Variants in TBX18 observed in about 807,000 individuals in gnomAD.
The protein encoded by TBX18 is T-box transcription factor 18, also known as T-box transcription factor TBX18.
In TBX18, 21 loss-of-function variants were observed where a neutral mutation model predicts 55.0. The ratio of observed to expected loss-of-function variants is 0.38; its 90% confidence interval spans 0.27 to 0.55. The LOEUF is 0.55. Among genes scored for constraint, TBX18 ranks in the 20% least tolerant of loss-of-function variants. The probability of loss-of-function intolerance (pLI) is 0.73; values close to 1 mark genes in which losing one functional copy is unlikely to be tolerated. For missense variants in TBX18, 840 were observed against 799.6 expected, an observed-to-expected ratio of 1.05 and a Z score of -0.61; for synonymous variants, 342 against 326.1, an observed-to-expected ratio of 1.05 and a Z score of -0.53.
intron 3 of TBX18, among the ~76,000 whole-genome samples, chr6:84,760,038 CTCTA>C (rs2127881272): frequency 6.6e-6 from 1 of 152,308 alleles, no homozygotes; most frequent in South Asian, 2.1e-4. Flanking sequence ...GAAAACATTT[CTCTA>C]TCTATTAAAA....
intron 4 of TBX18, among the ~76,000 whole-genome samples, chr6:84,754,546 T>G (rs1318034863): frequency 6.6e-6 from 1 of 152,214 alleles, no homozygotes; most frequent in Admixed American, 6.5e-5. Context: ...TCTGCTATGT[T>G]ATTTATTTCC....
At position 84,747,971 on chromosome 6, in the gene TBX18, G is replaced by A. The variant is rs1423727321; in HGVS notation, c.888C>T (p.Phe296=). The A allele has an allele frequency of 6.2e-7, 1 of 1,613,248 alleles. No individual in the cohort carries two copies. The highest frequency in any genetic ancestry group is 2.2e-5 in the East Asian group (1 of 44,868). ...PVPSGEGVKA[F]SFPETVFTTV... ...TTGTGAAGACAGTTTCTGGAAAGGA[G>A]AATGCCTTTACTCCCTCCCCGGATG... The change falls in exon 5 of 8, where the codon TTC becomes TTT. Residue 296 remains phenylalanine, a synonymous_variant. Coordinates refer to ENST00000369663, the MANE Select transcript of TBX18 (RefSeq NM_001080508.3).
Position 84,763,990 on chromosome 6 carries a change from C to T in TBX18, c.192G>A (p.Lys64=). 1.3e-6 allele frequency: 2 copies of T among 1,575,824 alleles called. No homozygotes were observed. The highest frequency in any genetic ancestry group is 1.1e-5 in the South Asian group (1 of 87,494). ...CGCCTTCGTCTCCCTCAGAAGAACC[C>T]TTTTCGCCCGCGCCGCCGCCGCGGC... The part of the protein sequence containing the change: ...GCSRGGGAGE[K]GSSEGDEGAA... The change falls in exon 1 of 8, where the codon AAG becomes AAA. Residue 64 remains lysine, a synonymous_variant. Coordinates refer to ENST00000369663, the MANE Select transcript of TBX18 (RefSeq NM_001080508.3).
Position 84,744,255 on chromosome 6 carries a change from G to T in TBX18, c.1004+6C>A. ...CATAACCGGAATGGTCTTCACTAAG[G>T]CCCACCTGTTGCGCCCGGAGTCTCG... On this transcript the variant is annotated splice_donor_region_variant and intron_variant, in intron 6 of 7. Transcript: ENST00000369663. 6.2e-7 allele frequency: 1 copy of T among 1,610,588 alleles called. No homozygotes were observed.
In TBX18 at chr6:84,742,467, T is replaced by G. The variant is rs561807221; in HGVS notation, c.1004+1794A>C. 3.3e-5 allele frequency: 5 copies of G among 152,352 alleles called. No individual in the cohort carries two copies. In the South Asian group the frequency reaches 1.0e-3, roughly 32 times the overall value. The allele number at this position is 152,352 out of a possible 1,614,324, so 9.4% of individuals were successfully genotyped here. A position where few individuals can be genotyped will look rare whatever the true frequency, so the allele number is the denominator to read the frequency against. ...TAAGTATCCAAATGTATTTTCATTATGCTGAGTATCTAGAATTCTTCCTGA... is the reference window on the plus strand; with the variant it reads ...TAAGTATCCAAATGTATTTTCATTAGGCTGAGTATCTAGAATTCTTCCTGA... On this transcript the variant is annotated intron_variant, in intron 6 of 7. Transcript: ENST00000369663.
intron 3 of TBX18, among the ~76,000 whole-genome samples, chr6:84,758,400 T>G (rs1163550736): frequency 7.1e-6 from 1 of 141,592 alleles, no homozygotes; most frequent in Admixed American, 7.3e-5. Context: ...AGAGCAAGAC[T>G]CCATCTCAAA....
chr6:84,741,235 C>T (rs535490078), intron 6 of TBX18: 162 of 152,318 alleles, frequency 1.1e-3, no homozygotes, highest in African/African-American at 3.6e-3. Flanking sequence ...AAGGCACCTC[C>T]TGCAGGAGTG....
intron 6 of TBX18, chr6:84,742,609 T>C (rs917381718): frequency 5.9e-5 from 9 of 152,146 alleles, no homozygotes; most frequent in Admixed American, 3.3e-4. Flanking sequence ...AAATGGACTA[T>C]ATACAAGCAT....
At chr6:84,749,384 T>C (rs1000442537) in intron 4 of TBX18, among the ~76,000 whole-genome samples, 1 of 152,194 alleles carries the variant, frequency 6.6e-6, no homozygotes, top group African/African-American at 2.4e-5. Context: ...TTCAGAATAT[T>C]TGGTCAGCCC....
At chr6:84,754,376 C>T (rs746756755) in intron 4 of TBX18, among the ~76,000 whole-genome samples, 18 of 152,114 alleles carry the variant, frequency 1.2e-4, no homozygotes, top group Non-Finnish European at 2.6e-4. Flanking sequence ...TTACCATTAC[C>T]AAAGGCAATT....
chr6:84,747,216 C>T (rs938328222), intron 5 of TBX18, among the ~76,000 whole-genome samples: 14 of 151,944 alleles, frequency 9.2e-5, no homozygotes, highest in East Asian at 7.7e-4. Flanking sequence ...CAGGCCACAT[C>T]GGCTTATATT....
rs369606909 is a variant in TBX18, at chr6:84,760,371, G to A, written c.498-15C>T. 293 of 1,586,492 alleles carry A rather than the reference G, an allele frequency of 1.8e-4. 1 individual carries two copies. In the South Asian group the frequency reaches 3.0e-3, roughly 16 times the overall value. On this transcript the variant is annotated splice_polypyrimidine_tract_variant and intron_variant, in intron 2 of 7. Transcript: ENST00000369663. ...GAAACATGCGCCTATTTAAAAAGGCGAAGAGAAAGAGGGTTTGGGGTTTTT... is the reference window on the plus strand; with the variant it reads ...GAAACATGCGCCTATTTAAAAAGGCAAAGAGAAAGAGGGTTTGGGGTTTTT...
At chr6:84,750,657 C>T (rs1767322878) in intron 4 of TBX18, among the ~76,000 whole-genome samples, 2 of 152,152 alleles carry the variant, frequency 1.3e-5, no homozygotes, top group African/African-American at 4.8e-5. Context: ...GCTCGTCCTC[C>T]CACCACCACG....
In TBX18 at chr6:84,748,147, G is replaced by A; in HGVS notation, c.772-60C>T. Reference sequence around the variant, plus strand: ...AGCCTCTGCCCAACCTCAACAACCTGACTAAATATTTAATGTGTACAATCA... The same window carrying A: ...AGCCTCTGCCCAACCTCAACAACCTAACTAAATATTTAATGTGTACAATCA... On this transcript the variant is annotated intron_variant, in intron 4 of 7. Transcript: ENST00000369663. 3.8e-6 allele frequency: 5 copies of A among 1,325,778 alleles called. No individual in the cohort carries two copies. The South Asian group carries it at 7.5e-5, about 20-fold the overall frequency. The allele number at this position is 1,325,778 out of a possible 1,614,324, so 82.1% of individuals were successfully genotyped here.
chr6:84,735,412 T>C lies in TBX18; in HGVS notation c.*1273A>G, dbSNP rs770944377. 6.6e-5 allele frequency: 10 copies of C among 152,232 alleles called. No individual in the cohort carries two copies. Among genetic ancestry groups the C allele is most frequent in the Admixed American group, 2.6e-4 (4 of 15,276 alleles). The allele number at this position is 152,232 out of a possible 1,614,324, so 9.4% of individuals were successfully genotyped here. A position where few individuals can be genotyped will look rare whatever the true frequency, so the allele number is the denominator to read the frequency against. On this transcript the variant is annotated 3_prime_UTR_variant, in exon 8 of 8. Coordinates refer to ENST00000369663, the MANE Select transcript of TBX18 (RefSeq NM_001080508.3). ...GGTTAAAAGTTTTATAGTTCCTTTA[T>C]CATAATTAGTATCTTCCTTCTTAGT...
chr6:84,762,944 A>G (rs990657570), intron 1 of TBX18, 196 bp from the exon 2 acceptor site: 3 of 621,554 alleles, frequency 4.8e-6, no homozygotes, highest in African/African-American at 1.8e-5. Context: ...GGGCGCATTC[A>G]GAGCTCCAGT....
intron 6 of TBX18, among the ~76,000 whole-genome samples, 193 bp from the exon 7 acceptor site, chr6:84,738,784 G>A (rs536480257): frequency 6.6e-6 from 1 of 152,298 alleles, no homozygotes; most frequent in Non-Finnish European, 1.5e-5. Flanking sequence ...AGCAGCAGGA[G>A]AGAACTGAAA....
intron 6 of TBX18, chr6:84,742,216 A>G (rs545794404): frequency 6.1e-4 from 93 of 152,290 alleles, no homozygotes; most frequent in African/African-American, 2.1e-3. Flanking sequence ...AAAGCATTAA[A>G]ACATAATTCA....
intron 6 of TBX18, chr6:84,741,164 T>A (rs1057510796): frequency 3.9e-5 from 6 of 152,300 alleles, no homozygotes; most frequent in South Asian, 2.1e-4. Flanking sequence ...GGACATTTTT[T>A]AAAAAGCCTT....
Sources: gnomAD v4.1 joint callset for allele counts (sites outside exome capture counted in the v4.1 genomes callset) on GRCh38, gnomAD v4.1.1 for gene constraint, MANE v1.5 for transcripts, NCBI Gene and HGNC (gene_info 2026-07-23, HGNC 2026-07-21) for gene names.